Variants in TACC2 observed in about 807,000 individuals in gnomAD.
TACC2 encodes transforming acidic coiled-coil containing protein 2.
Under a neutral mutation model 227.3 loss-of-function variants are expected in TACC2, and 137 were observed. That is an observed-to-expected ratio of 0.60 (90% CI 0.52 to 0.69). The LOEUF (loss-of-function observed/expected upper bound fraction) is 0.69. Among genes scored for constraint, TACC2 ranks in the 30% least tolerant of loss-of-function variants. The pLI, the probability that TACC2 is intolerant of heterozygous loss-of-function variation, is 0.00. For synonymous variants in TACC2, 1,523 were observed against 1,487.5 expected (o/e 1.02, Z -0.55); for missense variants, 3,470 against 3,694.4 (o/e 0.94, Z 1.57).
rs781643198 is a variant in TACC2, at chr10:122,132,635, A to C, written c.5600A>C (p.Gln1867Pro). The C allele has an allele frequency of 2.5e-6, 4 of 1,614,058 alleles. No homozygotes were observed. The Admixed American group carries it at 5.0e-5, about 20-fold the overall frequency. The change falls in exon 6 of 23, where the codon CAG becomes CCG. Residue 1867 changes from glutamine to proline, a missense_variant. Transcript: ENST00000369005. Reference sequence around the variant, plus strand: ...TCACCTGTGGCAGATGATATCATCCAGCCCGCTGCCCCCGCAGACCTGGAA... The same window carrying C: ...TCACCTGTGGCAGATGATATCATCCCGCCCGCTGCCCCCGCAGACCTGGAA... ...ESSPVADDII[Q>P]PAAPADLESP...
In TACC2 at chr10:122,056,019, TCAA is replaced by T. The variant is rs2076178912; in HGVS notation, c.146+5472_146+5474del. Among the ~76,000 whole-genome samples the T allele has an allele frequency of 2.6e-5, 4 of 152,318 alleles. 2 individuals are homozygous for T. Among genetic ancestry groups the T allele is most frequent in the African/African-American group, 9.6e-5 (4 of 41,586 alleles). ...TCACTGAATGAAGGAGAGTGGAAAC[TCAA>T]CAGCCTGGAGTCTTAGCTGTTATCT... On this transcript the variant is annotated intron_variant, in intron 3 of 22. Coordinates refer to ENST00000369005, the MANE Select transcript of TACC2 (RefSeq NM_206862.4).
chr10:122,232,466 T>C (rs1471887489), intron 16 of TACC2, among the ~76,000 whole-genome samples: 1 of 152,226 alleles, frequency 6.6e-6, no homozygotes, highest in African/African-American at 2.4e-5. Context: ...GTTCTCAGAA[T>C]ATGTGCCCCA....
chr10:122,116,875 C>G (rs2084795676), intron 5 of TACC2, among the ~76,000 whole-genome samples: 1 of 151,946 alleles, frequency 6.6e-6, no homozygotes, highest in Non-Finnish European at 1.5e-5. Context: ...GTTCATCCTA[C>G]CTTGCTTTGC....
intron 11 of TACC2, 134 bp from the exon 12 acceptor site, chr10:122,224,592 A>C: frequency 1.4e-6 from 1 of 729,922 alleles, no homozygotes; most frequent in South Asian, 1.7e-5. Context: ...GTCTCTAGAC[A>C]GTGGGCACCG....
chr10:122,237,256 TC>T, intron 16 of TACC2, 138 bp from the exon 17 acceptor site: 1 of 829,188 alleles, frequency 1.2e-6, no homozygotes, highest in East Asian at 2.8e-5. Context: ...TGTTCATCAG[TC>T]TTTGCACTTT....
chr10:122,017,568 G>A (rs1019373656), intron 1 of TACC2, among the ~76,000 whole-genome samples: 2 of 152,114 alleles, frequency 1.3e-5, no homozygotes, highest in Non-Finnish European at 2.9e-5. Flanking sequence ...TGTAATCCCA[G>A]CACTTTGGGA....
At chr10:122,118,512 C>T (rs1388803372) in intron 5 of TACC2, among the ~76,000 whole-genome samples, 2 of 152,122 alleles carry the variant, frequency 1.3e-5, no homozygotes, top group South Asian at 2.1e-4. Flanking sequence ...AACAGATTTT[C>T]GTCAGTTCTT....
chr10:122,160,445 G>T (rs986269230), intron 7 of TACC2, among the ~76,000 whole-genome samples: 5 of 152,144 alleles, frequency 3.3e-5, no homozygotes, highest in Admixed American at 3.3e-4. Context: ...TGAGAGCAGG[G>T]TGCTAGCATG....
At chr10:122,115,658 GCC>G (rs1317794586) in intron 5 of TACC2, among the ~76,000 whole-genome samples, 5 of 152,364 alleles carry the variant, frequency 3.3e-5, no homozygotes, top group African/African-American at 1.2e-4. Flanking sequence ...CTCTGGGCTT[GCC>G]CAGCTCTGGG....
chr10:122,232,179 AAAGCATG>A (rs1411723240), intron 16 of TACC2, among the ~76,000 whole-genome samples: 1 of 152,256 alleles, frequency 6.6e-6, no homozygotes, highest in African/African-American at 2.4e-5. Context: ...AGATTTTTAG[AAAGCATG>A]AAGCAGTGAG....
chr10:122,104,248 G>A (rs2082490308), intron 5 of TACC2, among the ~76,000 whole-genome samples: 1 of 152,044 alleles, frequency 6.6e-6, no homozygotes, highest in African/African-American at 2.4e-5. Context: ...TGTTTCACCA[G>A]TGTCAATCAT....
At chr10:122,235,756 C>G (rs2095846259) in intron 16 of TACC2, among the ~76,000 whole-genome samples, 2 of 152,152 alleles carry the variant, frequency 1.3e-5, no homozygotes, top group South Asian at 4.1e-4. Context: ...CAGCCTGCCT[C>G]TGCTGAGGGC....
chr10:122,167,152 G>T (rs2093219507), intron 7 of TACC2, among the ~76,000 whole-genome samples: 1 of 152,206 alleles, frequency 6.6e-6, no homozygotes, highest in Admixed American at 6.5e-5. Context: ...AAAAGCGGTG[G>T]TTCTGTTGGC....
At chr10:122,091,852 G>A (rs769285433) in intron 5 of TACC2, among the ~76,000 whole-genome samples, 5 of 152,122 alleles carry the variant, frequency 3.3e-5, no homozygotes, top group Admixed American at 6.5e-5. Flanking sequence ...GAGCTGTGGT[G>A]GCGATGAATT....
chr10:122,016,648 G>C (rs1956682657), intron 1 of TACC2, among the ~76,000 whole-genome samples: 1 of 151,978 alleles, frequency 6.6e-6, no homozygotes, highest in Admixed American at 6.6e-5. Flanking sequence ...GTTAAGATTG[G>C]TTTAAACTGC....
At chr10:122,004,033 C>T (rs192610333) in intron 1 of TACC2, among the ~76,000 whole-genome samples, 5 of 151,864 alleles carry the variant, frequency 3.3e-5, no homozygotes, top group East Asian at 2.0e-4. Flanking sequence ...TTTGGGAGGC[C>T]GAGGCAGGCA....
intron 6 of TACC2, 46 bp downstream of exon 6, chr10:122,132,780 T>A: frequency 1.9e-6 from 3 of 1,604,336 alleles, no homozygotes; most frequent in Non-Finnish European, 2.6e-6. Context: ...CAGGGCCCAA[T>A]CCTTGAGGCT....
intron 12 of TACC2, among the ~76,000 whole-genome samples, chr10:122,224,996 A>G (rs2095597697): frequency 6.6e-6 from 1 of 151,996 alleles, no homozygotes; most frequent in Non-Finnish European, 1.5e-5. Flanking sequence ...CAGGGAGAAA[A>G]TGATAGAATA....
Position 122,163,907 on chromosome 10 carries a change from C to A in TACC2, c.5834+20201C>A, listed in dbSNP as rs763366899. On this transcript the variant is annotated intron_variant, in intron 7 of 22. Transcript: ENST00000369005. ...TGGCCCCGCTCGCGGCTAGCTTGCA[C>A]GCCAGGGCACAGCGAGGATGGGAGG... 47 of 1,562,580 alleles carry A rather than the reference C, an allele frequency of 3.0e-5. No individual in the cohort carries two copies. In the Middle Eastern group the frequency reaches 2.8e-3, roughly 94 times the overall value.
Sources: allele counts gnomAD v4.1 joint callset (sites outside exome capture counted in the v4.1 genomes callset), GRCh38; gene constraint gnomAD v4.1.1; transcripts MANE v1.5; gene names NCBI Gene and HGNC (gene_info 2026-07-23, HGNC 2026-07-21).